STK32A: variants seen among roughly 807,000 people sequenced by gnomAD.
STK32A encodes serine/threonine-protein kinase 32A.
A neutral mutation model predicts 53.2 loss-of-function variants in STK32A; 41 were observed. The ratio of observed to expected loss-of-function variants is 0.77; its 90% confidence interval spans 0.60 to 1.00. The LOEUF is 1.00. STK32A is among the 50% of genes least tolerant of loss of function. The pLI, the probability that STK32A is intolerant of heterozygous loss-of-function variation, is 0.00. For synonymous variants in STK32A, 166 were observed against 162.8 expected (o/e 1.02, Z -0.15); for missense variants, 458 against 485.8 (o/e 0.94, Z 0.54).
At chr5:147,328,227 A>T (rs1895566) in intron 5 of STK32A, among the ~76,000 whole-genome samples, 18 of 152,328 alleles carry the variant, frequency 1.2e-4, no homozygotes, top group South Asian at 6.2e-4. Context: ...CTGTGTTAAC[A>T]TAGAAGGGGG....
chr5:147,273,167 G>A (rs987652), intron 2 of STK32A, among the ~76,000 whole-genome samples: 89,605 of 151,980 alleles, frequency 0.59, 26,788 homozygotes, highest in African/African-American at 0.67. Context: ...TGCACAGCAT[G>A]TTGAGACAGA....
chr5:147,386,943 C>T lies in STK32A; in HGVS notation c.*2960C>T, dbSNP rs188782603. 7.9e-5 allele frequency: 12 copies of T among 152,316 alleles called. No homozygotes were observed. Among genetic ancestry groups the T allele is most frequent in the South Asian group, 2.1e-4 (1 of 4,824 alleles). The allele number at this position is 152,316 out of a possible 1,614,324, so 9.4% of individuals were successfully genotyped here. On this transcript the variant is annotated 3_prime_UTR_variant, in exon 13 of 13. Coordinates refer to ENST00000397936, the MANE Select transcript of STK32A (RefSeq NM_001112724.2). Reference sequence around the variant, plus strand: ...TATAACTTGGGCTAAACGTTAATATCCCACTAGGTGGAACATGTCTCTTCC... The same window carrying T: ...TATAACTTGGGCTAAACGTTAATATTCCACTAGGTGGAACATGTCTCTTCC...
the STK32A span, among the ~76,000 whole-genome samples, chr5:147,399,683 C>A: frequency 1.2e-3 from 181 of 152,230 alleles, no homozygotes; most frequent in African/African-American, 4.3e-3. Flanking sequence ...AATGGGTTCC[C>A]TGGGTTGTGG....
chr5:147,282,010 C>T (rs1752085938), intron 4 of STK32A, among the ~76,000 whole-genome samples: 1 of 152,108 alleles, frequency 6.6e-6, no homozygotes, highest in Non-Finnish European at 1.5e-5. Flanking sequence ...AACTAAGCAT[C>T]ATATATGAAG....
chr5:147,279,144 G>A, intron 3 of STK32A, 103 bp from the exon 4 acceptor site: 3 of 1,129,926 alleles, frequency 2.7e-6, no homozygotes, highest in Non-Finnish European at 3.6e-6. Context: ...ATTTGCAAAT[G>A]TTAAGGATCC....
intron 8 of STK32A, among the ~76,000 whole-genome samples, chr5:147,368,359 G>C (rs1756860073): frequency 1.3e-5 from 2 of 152,152 alleles, no homozygotes; most frequent in Non-Finnish European, 2.9e-5. Context: ...TATGCTCACT[G>C]TTAGTTTAGA....
chr5:147,342,488 CA>C, intron 5 of STK32A: 1 of 154,874 alleles, frequency 6.5e-6, no homozygotes, highest in Admixed American at 6.4e-5. Flanking sequence ...CTAATTTAGG[CA>C]AAGCAACAGC....
chr5:147,351,288 A>G, intron 7 of STK32A, 134 bp downstream of exon 7: 1 of 714,544 alleles, frequency 1.4e-6, no homozygotes, highest in South Asian at 1.9e-5. Context: ...TTCTGATTTC[A>G]TGGGTCTTCT....
chr5:147,270,596 A>G (rs4235728), intron 2 of STK32A, among the ~76,000 whole-genome samples: 89,465 of 152,010 alleles, frequency 0.59, 26,702 homozygotes, highest in African/African-American at 0.67. Flanking sequence ...TAATTTACTT[A>G]CCATTTTTAA....
intron 2 of STK32A, among the ~76,000 whole-genome samples, chr5:147,275,895 G>A (rs1380256537): frequency 6.6e-6 from 1 of 152,110 alleles, no homozygotes. Flanking sequence ...GGTTAAAATG[G>A]TATATGAAAG....
intron 4 of STK32A, among the ~76,000 whole-genome samples, chr5:147,305,451 C>T (rs756512931): frequency 2.0e-5 from 3 of 152,108 alleles, no homozygotes; most frequent in Non-Finnish European, 2.9e-5. Flanking sequence ...CCAGGACCAG[C>T]AGTCCGGTTT....
chr5:147,269,561 C>A lies in STK32A; in HGVS notation c.53-8563C>A, dbSNP rs888132413. ...CGAATCATAGCACTGAGGAGAGTCACGTTTAAGCAGCAAATTTGTATAGCA... is the reference window on the plus strand; with the variant it reads ...CGAATCATAGCACTGAGGAGAGTCAAGTTTAAGCAGCAAATTTGTATAGCA... On this transcript the variant is annotated intron_variant, in intron 2 of 12. Transcript: ENST00000397936. 7.2e-5 allele frequency among the ~76,000 whole-genome samples: 11 copies of A among 152,254 alleles called. No homozygotes were observed. The East Asian group carries it at 2.1e-3, about 29-fold the overall frequency.
chr5:147,307,037 C>T (rs1753440244), intron 4 of STK32A, among the ~76,000 whole-genome samples: 1 of 151,940 alleles, frequency 6.6e-6, no homozygotes, highest in Non-Finnish European at 1.5e-5. Flanking sequence ...CTAAATGAGA[C>T]ATTGAATAAC....
chr5:147,320,734 A>G (rs537698290), intron 4 of STK32A, among the ~76,000 whole-genome samples: 42 of 152,358 alleles, frequency 2.8e-4, no homozygotes, highest in African/African-American at 8.7e-4. Flanking sequence ...TGAAAAGAAT[A>G]TAACCAGGTA....
At chr5:147,329,736 T>C (rs1472767255) in intron 5 of STK32A, among the ~76,000 whole-genome samples, 1 of 152,170 alleles carries the variant, frequency 6.6e-6, no homozygotes, top group Non-Finnish European at 1.5e-5. Flanking sequence ...ATATTCTATA[T>C]AAAAAGCTGT....
intron 4 of STK32A, among the ~76,000 whole-genome samples, chr5:147,288,108 T>G (rs1486541037): frequency 6.6e-6 from 1 of 152,212 alleles, no homozygotes; most frequent in African/African-American, 2.4e-5. Context: ...TATTCTTTCC[T>G]TCTCACTTCT....
intron 10 of STK32A, among the ~76,000 whole-genome samples, chr5:147,374,244 G>A (rs1266118203): frequency 4.6e-5 from 7 of 150,860 alleles, no homozygotes; most frequent in Non-Finnish European, 1.0e-4. Flanking sequence ...CAGTGATTGT[G>A]CCACTGCACT....
chr5:147,263,140 G>C (rs1378316119), intron 2 of STK32A, among the ~76,000 whole-genome samples: 1 of 152,196 alleles, frequency 6.6e-6, no homozygotes, highest in African/African-American at 2.4e-5. Flanking sequence ...GGGGCACCCA[G>C]CCTCCTCTTC....
intron 2 of STK32A, among the ~76,000 whole-genome samples, chr5:147,241,233 C>T (rs1400714212): frequency 6.6e-6 from 1 of 152,178 alleles, no homozygotes; most frequent in Non-Finnish European, 1.5e-5. Context: ...AATCCCAGCA[C>T]TTTGGGAGGC....
Sources: allele counts gnomAD v4.1 joint callset (sites outside exome capture counted in the v4.1 genomes callset), GRCh38; gene constraint gnomAD v4.1.1; transcripts MANE v1.5; gene names NCBI Gene and HGNC (gene_info 2026-07-23, HGNC 2026-07-21).